The following ANO3 variants were observed in gnomAD, a reference collection of about 807,000 sequenced individuals.
ANO3 encodes the protein anoctamin-3.
ANO3 carries 99 observed loss-of-function variants against 144.8 expected under a neutral mutation model. The ratio of observed to expected loss-of-function variants is 0.68; its 90% CI spans 0.58 to 0.81. The LOEUF is 0.81. Among genes scored for constraint, ANO3 ranks in the 30% least tolerant of loss-of-function variants. The pLI is 0.00. For missense variants in ANO3, 905 were observed against 1,202.2 expected (o/e 0.75, Z 3.66); for synonymous variants, 414 against 392.6 (o/e 1.05, Z -0.64).
chr11:26,232,993 G>C (rs368494355), intron 1 of ANO3, among the ~76,000 whole-genome samples: 1 of 152,074 alleles, frequency 6.6e-6, no homozygotes. Context: ...CGAGGCAGGC[G>C]GATCACGAGG....
At chr11:26,614,552 G>A (rs293935) in intron 17 of ANO3, among the ~76,000 whole-genome samples, 19,634 of 152,104 alleles carry the variant, frequency 0.13, 1,475 homozygotes, top group Admixed American at 0.22. Context: ...TCACAGTGGT[G>A]GGAGGTGCTC....
chr11:26,525,693 G>T lies in ANO3; in HGVS notation c.737+14G>T, dbSNP rs1020277417. On this transcript the variant is annotated intron_variant, in intron 7 of 26. Transcript: ENST00000256737. Reference sequence around the variant, plus strand: ...ATCAATGGGCAGGTTGGTGGGTGATGAATCATTTCTTTATAACAAATTTGT... The same window carrying T: ...ATCAATGGGCAGGTTGGTGGGTGATTAATCATTTCTTTATAACAAATTTGT... 60 of 1,598,252 alleles carry T rather than the reference G, an allele frequency of 3.8e-5. 1 individual carries two copies. The highest frequency in any genetic ancestry group is 4.9e-5 in the Non-Finnish European group (58 of 1,172,210).
chr11:26,260,787 T>C (rs1039793390), intron 1 of ANO3, among the ~76,000 whole-genome samples: 1 of 152,084 alleles, frequency 6.6e-6, no homozygotes, highest in African/African-American at 2.4e-5. Context: ...TGGCTTCAGA[T>C]CACTTTAATG....
intron 3 of ANO3, among the ~76,000 whole-genome samples, chr11:26,447,033 G>T (rs1381807781): frequency 6.6e-6 from 1 of 151,904 alleles, no homozygotes; most frequent in East Asian, 1.9e-4. Context: ...AAAGTGGTGA[G>T]ACCCTGTTTC....
intron 17 of ANO3, among the ~76,000 whole-genome samples, chr11:26,602,588 C>CTTT (rs113082487): frequency 1.6e-3 from 223 of 138,868 alleles, no homozygotes; most frequent in Non-Finnish European, 1.8e-3. Context: ...CTTTTCTTTT[C>CTTT]TTTTTTTTTT....
In ANO3 at chr11:26,618,297, T is replaced by C. The variant is rs1362758170; in HGVS notation, c.1837-6165T>C. On this transcript the variant is annotated intron_variant, in intron 17 of 26. Coordinates refer to ENST00000256737, the MANE Select transcript of ANO3 (RefSeq NM_031418.4). ...CAGAAACCTTAAACTAGTTCTTACT[T>C]ATTTCTTTTATCTCCTTCACAGTAT... 2.0e-5 allele frequency among the ~76,000 whole-genome samples: 3 copies of C among 152,296 alleles called. No homozygotes were observed. In the East Asian group the frequency reaches 5.8e-4, roughly 29 times the overall value.
intron 1 of ANO3, among the ~76,000 whole-genome samples, chr11:26,311,584 G>T (rs984959522): frequency 6.6e-6 from 1 of 152,204 alleles, no homozygotes. Context: ...TGTAGGTGAA[G>T]ATATTACTAA....
At chr11:26,474,304 T>G (rs977775755) in intron 4 of ANO3, among the ~76,000 whole-genome samples, 4 of 151,988 alleles carry the variant, frequency 2.6e-5, no homozygotes, top group African/African-American at 9.7e-5. Context: ...CTAAATGTGT[T>G]ATTTTTAAAA....
intron 1 of ANO3, among the ~76,000 whole-genome samples, chr11:26,385,472 GA>G (rs1453730904): frequency 1.3e-5 from 2 of 152,160 alleles, no homozygotes; most frequent in African/African-American, 2.4e-5. Flanking sequence ...GGTTGTAGGG[GA>G]AAAAAATCTT....
At chr11:26,581,314 T>C (rs1851123175) in intron 14 of ANO3, among the ~76,000 whole-genome samples, 1 of 151,672 alleles carries the variant, frequency 6.6e-6, no homozygotes, top group Admixed American at 6.6e-5. Context: ...TCCCTTTTTT[T>C]TTTTTTTGTA....
At chr11:26,644,358 A>G (rs1853271176) in intron 23 of ANO3, among the ~76,000 whole-genome samples, 1 of 152,192 alleles carries the variant, frequency 6.6e-6, no homozygotes, top group African/African-American at 2.4e-5. Context: ...ATTTTTTAAA[A>G]ATACTACTTT....
At chr11:26,392,252 T>TTC (rs1159010243) in intron 1 of ANO3, among the ~76,000 whole-genome samples, 1 of 151,700 alleles carries the variant, frequency 6.6e-6, no homozygotes, top group Non-Finnish European at 1.5e-5. Context: ...TTTTTTTTTT[T>TTC]TTTTAAGAAT....
chr11:26,400,343 T>C (rs749641365), intron 1 of ANO3, among the ~76,000 whole-genome samples: 1 of 152,038 alleles, frequency 6.6e-6, no homozygotes. Flanking sequence ...TCCCTGTGTA[T>C]GGGGCATAAA....
intron 1 of ANO3, among the ~76,000 whole-genome samples, chr11:26,206,588 T>C (rs1851798212): frequency 6.6e-6 from 1 of 152,148 alleles, no homozygotes; most frequent in African/African-American, 2.4e-5. Flanking sequence ...TTTAAGTCTG[T>C]GATACAAAGC....
intron 1 of ANO3, among the ~76,000 whole-genome samples, chr11:26,351,468 T>C (rs1185071346): frequency 6.6e-6 from 1 of 152,228 alleles, no homozygotes; most frequent in East Asian, 1.9e-4. Flanking sequence ...TTTACTCTTC[T>C]GCAACTTTCC....
intron 4 of ANO3, among the ~76,000 whole-genome samples, chr11:26,505,815 C>A (rs545709137): frequency 0.021 from 3,206 of 151,164 alleles, 50 homozygotes; most frequent in Non-Finnish European, 0.035. Context: ...TACTAAAAAT[C>A]CAAAAAATAA....
chr11:26,563,114 A>G lies in ANO3; in HGVS notation c.1447+3335A>G, dbSNP rs570465871. ...AGGTGAAGTATTGAAAATAGATTTT[A>G]CCTGGTTCATTTCTGTCGTCATAAA... On this transcript the variant is annotated intron_variant, in intron 14 of 26. Transcript: ENST00000256737. 4 of 1,611,056 alleles carry G rather than the reference A, an allele frequency of 2.5e-6. No homozygotes were observed. In the African/African-American group the frequency reaches 4.0e-5, roughly 16 times the overall value.
Position 26,219,811 on chromosome 11 carries a change from T to C in ANO3, c.154+30481T>C, listed in dbSNP as rs373714171. Among the ~76,000 whole-genome samples, 5 of 152,190 alleles carry C rather than the reference T, an allele frequency of 3.3e-5. No homozygotes were observed. The East Asian group carries it at 5.8e-4, about 18-fold the overall frequency. Reference sequence around the variant, plus strand: ...CTAGGATACATAACAAGCTGGTCCATCAAGGCTAAGGAAAGCTGCCTAGGG... The same window carrying C: ...CTAGGATACATAACAAGCTGGTCCACCAAGGCTAAGGAAAGCTGCCTAGGG... On this transcript the variant is annotated intron_variant, in intron 1 of 27. Coordinates refer to the ANO3 transcript ENST00000672621.
chr11:26,344,617 G>A (rs987605306), intron 1 of ANO3, among the ~76,000 whole-genome samples: 7 of 151,962 alleles, frequency 4.6e-5, no homozygotes, highest in Admixed American at 2.6e-4. Flanking sequence ...CGCCCGCCTC[G>A]GTCTCCCAAA....
Sources: allele counts gnomAD v4.1 joint callset (sites outside exome capture counted in the v4.1 genomes callset), GRCh38; gene constraint gnomAD v4.1.1; transcripts MANE v1.5; gene names NCBI Gene and HGNC (gene_info 2026-07-23, HGNC 2026-07-21).